Variants in PTPN2 observed in about 807,000 individuals in gnomAD.
The protein encoded by PTPN2 is tyrosine-protein phosphatase non-receptor type 2.
PTPN2 carries 19 observed loss-of-function variants against 57.3 expected under a neutral mutation model. The ratio of observed to expected loss-of-function variants is 0.33; its 90% CI spans 0.23 to 0.49. The LOEUF is 0.49. Ranked by LOEUF, PTPN2 falls within the 20% of genes least tolerant of loss-of-function variation. The pLI is 0.99. For missense variants in PTPN2, 358 were observed against 501.1 expected (o/e 0.71, Z 2.73); for synonymous variants, 153 against 164.9 (o/e 0.93, Z 0.55).
At chr18:12,805,361 G>C (rs1194468400) in intron 7 of PTPN2, among the ~76,000 whole-genome samples, 2 of 151,794 alleles carry the variant, frequency 1.3e-5, no homozygotes, top group African/African-American at 4.8e-5. Flanking sequence ...GGTGGCTGAG[G>C]CATGAGAATC....
At chr18:12,840,611 G>C in intron 2 of PTPN2, 1 of 1,299,114 alleles carries the variant, frequency 7.7e-7, no homozygotes, top group Non-Finnish European at 1.1e-6. Context: ...TATGAATATG[G>C]ATCACACCCA....
chr18:12,841,355 G>A (rs1241801755), intron 2 of PTPN2, among the ~76,000 whole-genome samples: 1 of 152,240 alleles, frequency 6.6e-6, no homozygotes, highest in African/African-American at 2.4e-5. Context: ...CAGGGCCCCA[G>A]TGAAGTTCTT....
intron 7 of PTPN2, among the ~76,000 whole-genome samples, chr18:12,804,299 A>AG (rs1214446000): frequency 2.0e-5 from 3 of 150,404 alleles, no homozygotes; most frequent in Non-Finnish European, 4.4e-5. Flanking sequence ...CAAAAAAAAA[A>AG]AAAAAAAAAA....
At chr18:12,849,577 A>ATAAT (rs1555674444) in intron 2 of PTPN2, among the ~76,000 whole-genome samples, 1 of 139,892 alleles carries the variant, frequency 7.1e-6, no homozygotes, top group Non-Finnish European at 1.6e-5. Context: ...AAATAAATAA[A>ATAAT]AAATAAAAAA....
chr18:12,881,669 C>T (rs1214580860), intron 1 of PTPN2, among the ~76,000 whole-genome samples: 2 of 152,172 alleles, frequency 1.3e-5, no homozygotes, highest in African/African-American at 2.4e-5. Flanking sequence ...CCCTTGTCCT[C>T]TTCCCCTGGC....
chr18:12,855,326 C>T (rs944448254), intron 2 of PTPN2, among the ~76,000 whole-genome samples: 1 of 151,684 alleles, frequency 6.6e-6, no homozygotes, highest in African/African-American at 2.4e-5. Flanking sequence ...CAAAAGAGAG[C>T]GAACCATATT....
Position 12,792,382 on chromosome 18 carries a change from A to C in PTPN2, c.*1896T>G, listed in dbSNP as rs913793789. On this transcript the variant is annotated 3_prime_UTR_variant, in exon 9 of 9. Coordinates refer to ENST00000309660, the MANE Select transcript of PTPN2 (RefSeq NM_002828.4). Reference sequence around the variant, plus strand: ...ACTGCAACCTCTGCCTCCCGGGTTCAAGTGATTCTCCTGCCTTAGCCTCCC... The same window carrying C: ...ACTGCAACCTCTGCCTCCCGGGTTCCAGTGATTCTCCTGCCTTAGCCTCCC... 3 of 290,532 alleles carry C rather than the reference A, an allele frequency of 1.0e-5. No individual in the cohort carries two copies. Among genetic ancestry groups the C allele is most frequent in the Non-Finnish European group, 1.5e-5 (3 of 196,776 alleles). The allele number at this position is 290,532 out of a possible 1,614,324, so 18.0% of individuals were successfully genotyped here. A position where few individuals can be genotyped will look rare whatever the true frequency, so the allele number is the denominator to read the frequency against.
chr18:12,862,839 AC>A (rs1348076628), intron 1 of PTPN2: 1 of 152,112 alleles, frequency 6.6e-6, no homozygotes, highest in Non-Finnish European at 1.5e-5. Flanking sequence ...AATTCATATC[AC>A]ATGAGAAACA....
chr18:12,857,335 C>A (rs554480249), intron 2 of PTPN2, among the ~76,000 whole-genome samples: 12 of 151,758 alleles, frequency 7.9e-5, no homozygotes, highest in Non-Finnish European at 1.2e-4. Flanking sequence ...AGAACTTACA[C>A]GCACACACAA....
At chr18:12,796,713 G>A (rs564334542) in intron 8 of PTPN2, among the ~76,000 whole-genome samples, 7 of 152,156 alleles carry the variant, frequency 4.6e-5, no homozygotes, top group Middle Eastern at 3.4e-3. Flanking sequence ...TGTTCTTGCC[G>A]TTTTTTTGCT....
chr18:12,832,602 G>C (rs188771172), intron 3 of PTPN2, among the ~76,000 whole-genome samples: 52 of 152,148 alleles, frequency 3.4e-4, no homozygotes, highest in Admixed American at 1.8e-3. Context: ...TCTATTACTT[G>C]ATCTACTTCT....
At chr18:12,787,065 AAGT>A (rs1186250415) in intron 9 of PTPN2, 1 of 152,232 alleles carries the variant, frequency 6.6e-6, no homozygotes, top group African/African-American at 2.4e-5. Flanking sequence ...AAAGTGAATG[AAGT>A]AATGATCTGG....
At chr18:12,869,579 T>C (rs1435909623) in intron 1 of PTPN2, among the ~76,000 whole-genome samples, 5 of 152,244 alleles carry the variant, frequency 3.3e-5, no homozygotes, top group South Asian at 4.1e-4. Context: ...ATTTCGTACA[T>C]AGCTTTGTTC....
At chr18:12,855,613 C>T (rs1304255157) in intron 2 of PTPN2, among the ~76,000 whole-genome samples, 2 of 152,082 alleles carry the variant, frequency 1.3e-5, no homozygotes, top group Non-Finnish European at 2.9e-5. Flanking sequence ...TGGTGAGGAG[C>T]TCTGAGAGAT....
At chr18:12,874,049 C>G (rs560583853) in intron 1 of PTPN2, among the ~76,000 whole-genome samples, 3 of 150,346 alleles carry the variant, frequency 2.0e-5, no homozygotes, top group Admixed American at 6.6e-5. Context: ...ACCCTCCGCC[C>G]GGCAGCCGCC....
intron 1 of PTPN2, among the ~76,000 whole-genome samples, chr18:12,881,405 C>A (rs1351852538): frequency 2.6e-5 from 4 of 152,248 alleles, no homozygotes; most frequent in Middle Eastern, 3.4e-3. Context: ...CCACTGCACT[C>A]CAGCCTGGGC....
chr18:12,838,129 G>A (rs147061018), intron 2 of PTPN2, among the ~76,000 whole-genome samples: 148 of 152,142 alleles, frequency 9.7e-4, no homozygotes, highest in African/African-American at 3.4e-3. Context: ...AGAAAGCCTG[G>A]TTTTAGAAAA....
chr18:12,811,031 A>T (rs1180029012), intron 7 of PTPN2, among the ~76,000 whole-genome samples: 3 of 152,226 alleles, frequency 2.0e-5, no homozygotes, highest in African/African-American at 7.2e-5. Flanking sequence ...TCTCCATGCC[A>T]TATTCTAACA....
At chr18:12,869,773 A>T (rs1276900905) in intron 1 of PTPN2, among the ~76,000 whole-genome samples, 2 of 152,206 alleles carry the variant, frequency 1.3e-5, no homozygotes, top group Non-Finnish European at 2.9e-5. Context: ...ATGGGCTAAC[A>T]TACCTAAGTT....
Sources: gnomAD v4.1 joint callset for allele counts (sites outside exome capture counted in the v4.1 genomes callset) on GRCh38, gnomAD v4.1.1 for gene constraint, MANE v1.5 for transcripts, NCBI Gene and HGNC (gene_info 2026-07-23, HGNC 2026-07-21) for gene names.